Variants in EVI5 observed in about 807,000 individuals in gnomAD.
EVI5 encodes the protein ecotropic viral integration site 5.
In EVI5, 73 loss-of-function variants were observed where a neutral mutation model predicts 112.0. The observed-to-expected ratio is 0.65, with a 90% confidence interval of 0.54 to 0.79. EVI5 has a LOEUF of 0.79. EVI5 is among the 30% of genes least tolerant of loss of function. The pLI, the probability that EVI5 is intolerant of heterozygous loss-of-function variation, is 0.00. For missense variants in EVI5, 900 were observed against 968.8 expected (o/e 0.93, Z 0.94); for synonymous variants, 305 against 319.9 (o/e 0.95, Z 0.50).
At chr1:92,779,747 T>C (rs1205897651) in intron 1 of EVI5, among the ~76,000 whole-genome samples, 2 of 152,104 alleles carry the variant, frequency 1.3e-5, no homozygotes, top group Non-Finnish European at 2.9e-5. Flanking sequence ...ATAAAAATTT[T>C]TTTAATTTAA....
intron 19 of EVI5, among the ~76,000 whole-genome samples, chr1:92,520,104 G>A (rs1660647386): frequency 6.6e-6 from 1 of 152,050 alleles, no homozygotes; most frequent in Non-Finnish European, 1.5e-5. Flanking sequence ...TCTAAAAGTT[G>A]TGCATATAGT....
chr1:92,774,993 G>A (rs888877307), intron 1 of EVI5, among the ~76,000 whole-genome samples: 2 of 152,168 alleles, frequency 1.3e-5, no homozygotes, highest in African/African-American at 2.4e-5. Flanking sequence ...CAATGAGGAA[G>A]GACTATCGTA....
chr1:92,649,531 G>C (rs1363767147), intron 13 of EVI5, among the ~76,000 whole-genome samples: 1 of 152,184 alleles, frequency 6.6e-6, no homozygotes, highest in South Asian at 2.1e-4. Flanking sequence ...AAATCATAAA[G>C]TTGGCTGAGC....
At chr1:92,774,119 A>G (rs1285084527) in intron 1 of EVI5, 3 of 152,216 alleles carry the variant, frequency 2.0e-5, no homozygotes, top group African/African-American at 7.2e-5. Context: ...ACAGTTAAGT[A>G]AAACTGCAGA....
chr1:92,774,275 T>C (rs1476758915), intron 1 of EVI5, among the ~76,000 whole-genome samples: 1 of 152,212 alleles, frequency 6.6e-6, no homozygotes, highest in Non-Finnish European at 1.5e-5. Flanking sequence ...CTGAAGATAT[T>C]ACATTTTTCT....
At chr1:92,764,420 G>C (rs570965103) in intron 1 of EVI5, among the ~76,000 whole-genome samples, 1 of 152,292 alleles carries the variant, frequency 6.6e-6, no homozygotes, top group East Asian at 1.9e-4. Context: ...GGTGTGGCAA[G>C]AATTCTTTCC....
intron 16 of EVI5, among the ~76,000 whole-genome samples, chr1:92,611,196 A>AAG (rs1291652459): frequency 6.6e-6 from 1 of 152,104 alleles, no homozygotes; most frequent in Non-Finnish European, 1.5e-5. Context: ...CAGGATAAAA[A>AAG]CAAATAAATC....
At chr1:92,540,205 G>C (rs571530035) in intron 19 of EVI5, among the ~76,000 whole-genome samples, 47 of 152,304 alleles carry the variant, frequency 3.1e-4, no homozygotes, top group African/African-American at 1.0e-3. Flanking sequence ...TATATACCCA[G>C]GAGTGGAACT....
chr1:92,742,583 G>A (rs1386576585), intron 1 of EVI5, among the ~76,000 whole-genome samples: 3 of 151,976 alleles, frequency 2.0e-5, no homozygotes, highest in Non-Finnish European at 4.4e-5. Context: ...TGAGGCAGGA[G>A]AATCGCTTGA....
intron 2 of EVI5, among the ~76,000 whole-genome samples, chr1:92,719,698 G>T (rs1343574233): frequency 1.3e-5 from 2 of 151,990 alleles, no homozygotes; most frequent in Non-Finnish European, 2.9e-5. Context: ...TCTCGCCAGG[G>T]TAATCAGGCA....
intron 9 of EVI5, among the ~76,000 whole-genome samples, chr1:92,682,408 T>C (rs1285556236): frequency 6.6e-6 from 1 of 152,158 alleles, no homozygotes; most frequent in Non-Finnish European, 1.5e-5. Flanking sequence ...TGTATTTCAG[T>C]AAGTTCCATA....
intron 18 of EVI5, among the ~76,000 whole-genome samples, chr1:92,587,973 TTAAC>T (rs971994501): frequency 2.0e-5 from 3 of 152,198 alleles, no homozygotes; most frequent in Non-Finnish European, 4.4e-5. Flanking sequence ...CCTATTTTCC[TTAAC>T]TAACTGAGGA....
chr1:92,632,020 G>A (rs1404373463), intron 14 of EVI5, among the ~76,000 whole-genome samples: 2 of 142,982 alleles, frequency 1.4e-5, no homozygotes, highest in African/African-American at 2.6e-5. Context: ...TTGCATCCCA[G>A]GGATGAAGCC....
chr1:92,550,723 G>A (rs1258086897), intron 19 of EVI5, among the ~76,000 whole-genome samples: 2 of 97,386 alleles, frequency 2.1e-5, no homozygotes, highest in Non-Finnish European at 3.7e-5. Context: ...CTCCAGCCTG[G>A]GCAACAGAGC....
intron 19 of EVI5, among the ~76,000 whole-genome samples, chr1:92,516,632 C>T (rs1335684249): frequency 6.6e-6 from 1 of 152,132 alleles, no homozygotes; most frequent in Non-Finnish European, 1.5e-5. Flanking sequence ...TTCCAGGGTA[C>T]TGACTACCCA....
rs997884344 is a variant in EVI5, at chr1:92,736,505, G to A, written c.42C>T (p.Thr14=). The change falls in exon 2 of 20, where the codon ACC becomes ACT. Residue 14 remains threonine, a synonymous_variant. Transcript: ENST00000684568. ...TTGATAGTGTGGTAGATGAGGATGT[G>A]GTATGTAATGAAGTAGATGGACTTG... is the stretch of plus-strand genomic sequence containing the variant. ...QVASPSTSLH[T]TSSSTTLSTP... 5 of 1,613,612 alleles carry A rather than the reference G, an allele frequency of 3.1e-6. No homozygotes were observed. The highest frequency in any genetic ancestry group is 1.6e-4 in the Middle Eastern group (1 of 6,082).
At chr1:92,609,327 C>T (rs1651192983) in intron 16 of EVI5, among the ~76,000 whole-genome samples, 1 of 152,216 alleles carries the variant, frequency 6.6e-6, no homozygotes, top group Non-Finnish European at 1.5e-5. Context: ...TTTATGAAAG[C>T]AGTCTCACAC....
chr1:92,737,963 A>G (rs1274047196), intron 1 of EVI5, among the ~76,000 whole-genome samples: 2 of 152,148 alleles, frequency 1.3e-5, no homozygotes, highest in Non-Finnish European at 2.9e-5. Context: ...TTTAGAAATG[A>G]TATTATAGAA....
At chr1:92,548,708 A>T (rs1028755282) in intron 19 of EVI5, among the ~76,000 whole-genome samples, 19 of 149,804 alleles carry the variant, frequency 1.3e-4, no homozygotes, top group African/African-American at 4.8e-4. Flanking sequence ...AATAACAGAC[A>T]AACAGAGAGC....
Sources: allele counts gnomAD v4.1 joint callset (sites outside exome capture counted in the v4.1 genomes callset), GRCh38; gene constraint gnomAD v4.1.1; transcripts MANE v1.5; gene names NCBI Gene and HGNC (gene_info 2026-07-23, HGNC 2026-07-21).